Variants in YIPF4 observed in about 807,000 individuals in gnomAD.
YIPF4 encodes the protein Yip1 domain family member 4.
YIPF4 carries 18 observed loss-of-function variants against 29.4 expected under a neutral mutation model. The ratio of observed to expected loss-of-function variants is 0.61; its 90% CI spans 0.42 to 0.91. YIPF4 has a LOEUF of 0.91. Among genes scored for constraint, YIPF4 ranks in the 40% least tolerant of loss-of-function variants. YIPF4 has a pLI of 0.00. For synonymous variants in YIPF4, 115 were observed against 104.7 expected, an observed-to-expected ratio of 1.10 and a Z score of -0.60; for missense variants, 279 against 282.7, an observed-to-expected ratio of 0.99 and a Z score of 0.09.
chr2:32,286,182 A>G (rs976761974), intron 1 of YIPF4, among the ~76,000 whole-genome samples: 2 of 152,314 alleles, frequency 1.3e-5, no homozygotes, highest in African/African-American at 4.8e-5. Context: ...ATACACACAC[A>G]CAAATGAGTG....
Position 32,306,411 on chromosome 2 carries a change from T to G in YIPF4, c.*785T>G, listed in dbSNP as rs1329354262. 3 of 984,556 alleles carry G rather than the reference T, an allele frequency of 3.0e-6. No individual in the cohort carries two copies. In the African/African-American group the frequency reaches 5.2e-5, roughly 17 times the overall value. The allele number at this position is 984,556 out of a possible 1,614,324, so 61.0% of individuals were successfully genotyped here. On this transcript the variant is annotated 3_prime_UTR_variant, in exon 6 of 6. Transcript: ENST00000238831. ...GAGGTATAATGGATATGGCATTCATTAAAATCTTTACTATGTACAAAAACA... is the reference window on the plus strand; with the variant it reads ...GAGGTATAATGGATATGGCATTCATGAAAATCTTTACTATGTACAAAAACA...
Position 32,292,261 on chromosome 2 carries a change from A to G in YIPF4, c.318A>G (p.Arg106=), listed in dbSNP as rs757559817. ...CAATGCCATCACTTGGTTTTAATAG[A>G]CAAGTGGTGAGAGACAATCCTGACT... is the stretch of plus-strand genomic sequence containing the variant. ...LMPMPSLGFN[R]QVVRDNPDFW... is the part of the protein sequence containing the mutation. The change falls in exon 3 of 6, where the codon AGA becomes AGG. Residue 106 remains arginine (R), a synonymous_variant. Transcript: ENST00000238831. 26 of 1,605,830 alleles carry G rather than the reference A, an allele frequency of 1.6e-5. No individual in the cohort carries two copies. Among genetic ancestry groups the G allele is most frequent in the Admixed American group, 8.4e-5 (5 of 59,388 alleles).
chr2:32,285,589 C>A (rs1465204127), intron 1 of YIPF4, among the ~76,000 whole-genome samples: 2 of 151,954 alleles, frequency 1.3e-5, no homozygotes, highest in African/African-American at 4.8e-5. Context: ...TGAAATTCCC[C>A]CTTCCCAGAA....
In YIPF4 at chr2:32,315,994, A is replaced by C. The variant is rs2031822382; in HGVS notation, c.*10368A>C. ...CCAGGCGTTCAAGACCTGCCTGGGC[A>C]ATATAGCGAGACCCCGTTCTCCCCA... On this transcript the variant is annotated 3_prime_UTR_variant, in exon 6 of 6. Coordinates refer to ENST00000238831, the MANE Select transcript of YIPF4 (RefSeq NM_032312.4). The C allele has an allele frequency of 6.6e-6, 1 of 150,416 alleles. No individual in the cohort carries two copies. 9.3% of individuals were successfully genotyped at this position (150,416 alleles called of 1,614,324 possible).
In YIPF4 at chr2:32,312,690, A is replaced by G. The variant is rs1366237173; in HGVS notation, c.*7064A>G. ...TGCTGAGTGTAGGGATACAGTGATA[A>G]TGCAAAAAAGACCCCCAATAGGCCG... On this transcript the variant is annotated 3_prime_UTR_variant, in exon 6 of 6. Coordinates refer to ENST00000238831, the MANE Select transcript of YIPF4 (RefSeq NM_032312.4). The G allele has an allele frequency of 4.0e-5, 6 of 151,236 alleles. No individual in the cohort carries two copies. The highest frequency in any genetic ancestry group is 1.5e-4 in the African/African-American group (6 of 41,108). 9.4% of individuals were successfully genotyped at this position (151,236 alleles called of 1,614,324 possible).
chr2:32,309,763 A>C lies in YIPF4; in HGVS notation c.*4137A>C, dbSNP rs993704480. 6.3e-5 allele frequency: 9 copies of C among 141,816 alleles called. No homozygotes were observed. The highest frequency in any genetic ancestry group is 2.4e-4 in the African/African-American group (9 of 37,260). The allele number at this position is 141,816 out of a possible 1,614,324, so 8.8% of individuals were successfully genotyped here. On this transcript the variant is annotated 3_prime_UTR_variant, in exon 6 of 6. Transcript: ENST00000238831. ...GGAGTGTGTGGCGCAATCTCAGCTC[A>C]CTGCAACCTCTGATTCCTGGGTTCA...
intron 2 of YIPF4, among the ~76,000 whole-genome samples, chr2:32,291,816 G>C (rs2148961746): frequency 6.6e-6 from 1 of 152,252 alleles, no homozygotes; most frequent in East Asian, 1.9e-4. Flanking sequence ...TCTCATATGG[G>C]TTTGCAATCT....
Position 32,305,975 on chromosome 2 carries a change from A to G in YIPF4, c.*349A>G. 14 of 988,430 alleles carry G rather than the reference A, an allele frequency of 1.4e-5. No homozygotes were observed. Among genetic ancestry groups the G allele is most frequent in the Non-Finnish European group, 1.7e-5 (14 of 831,828 alleles). 61.2% of individuals were successfully genotyped at this position (988,430 alleles called of 1,614,324 possible). On this transcript the variant is annotated 3_prime_UTR_variant, in exon 6 of 6. Coordinates refer to ENST00000238831, the MANE Select transcript of YIPF4 (RefSeq NM_032312.4). ...TCACTTAAAGGGTAAATTTGACAAT[A>G]TCTTGATAATCAAAAGTGCAATTTT...
At chr2:32,291,708 C>G (rs939136290) in intron 2 of YIPF4, among the ~76,000 whole-genome samples, 1 of 152,004 alleles carries the variant, frequency 6.6e-6, no homozygotes, top group Non-Finnish European at 1.5e-5. Flanking sequence ...GAGAAATAAC[C>G]CACAACACAA....
chr2:32,283,170 A>T (rs1158577754), intron 1 of YIPF4, among the ~76,000 whole-genome samples: 5 of 151,604 alleles, frequency 3.3e-5, no homozygotes, highest in Admixed American at 2.6e-4. Flanking sequence ...TGTTCAACAT[A>T]TGTGAGTAAT....
At chr2:32,278,591 A>G (rs1438325942) in intron 1 of YIPF4, among the ~76,000 whole-genome samples, 1 of 152,132 alleles carries the variant, frequency 6.6e-6, no homozygotes. Flanking sequence ...TGGCCAAGGG[A>G]GATCTCAAAG....
chr2:32,288,059 T>G (rs1408550077), intron 1 of YIPF4, among the ~76,000 whole-genome samples: 2 of 152,302 alleles, frequency 1.3e-5, no homozygotes, highest in East Asian at 3.9e-4. Context: ...TTTTTCTTGC[T>G]CTCTGACATC....
chr2:32,290,475 C>G lies in YIPF4; in HGVS notation c.80-8C>G. 6.7e-7 allele frequency: 1 copy of G among 1,491,150 alleles called. No individual in the cohort carries two copies. Among genetic ancestry groups the G allele is most frequent in the Non-Finnish European group, 8.9e-7 (1 of 1,119,608 alleles). The allele number at this position is 1,491,150 out of a possible 1,614,324, so 92.4% of individuals were successfully genotyped here. On this transcript the variant is annotated splice_region_variant and splice_polypyrimidine_tract_variant and intron_variant, in intron 1 of 5. Coordinates refer to ENST00000238831, the MANE Select transcript of YIPF4 (RefSeq NM_032312.4). Reference sequence around the variant, plus strand: ...AGTTTATATAGTTTTATCCTCTTTTCTCCTAAGATCTCAGTGGTTCAATAG... The same window carrying G: ...AGTTTATATAGTTTTATCCTCTTTTGTCCTAAGATCTCAGTGGTTCAATAG...
chr2:32,278,319 T>C (rs753642506), intron 1 of YIPF4, 85 bp downstream of exon 1: 138 of 1,354,426 alleles, frequency 1.0e-4, no homozygotes, highest in Non-Finnish European at 1.3e-4. Flanking sequence ...GAGGTGGTCG[T>C]GGCCGGGTGG....
intron 1 of YIPF4, among the ~76,000 whole-genome samples, chr2:32,289,033 T>A (rs1032643675): frequency 1.3e-5 from 2 of 152,182 alleles, no homozygotes; most frequent in Admixed American, 1.3e-4. Flanking sequence ...CCTCTCTCAT[T>A]TCAACTTAGA....
At chr2:32,279,708 C>T (rs866360111) in intron 1 of YIPF4, among the ~76,000 whole-genome samples, 13 of 151,528 alleles carry the variant, frequency 8.6e-5, no homozygotes, top group African/African-American at 2.9e-4. Context: ...CGCGCCCGGC[C>T]GAAAGAACCT....
At chr2:32,284,738 T>A (rs2030582063) in intron 1 of YIPF4, among the ~76,000 whole-genome samples, 1 of 152,182 alleles carries the variant, frequency 6.6e-6, no homozygotes, top group African/African-American at 2.4e-5. Flanking sequence ...AACTGAAGAA[T>A]GGATGGCATT....
In YIPF4 at chr2:32,314,808, G is replaced by T. The variant is rs922299798; in HGVS notation, c.*9182G>T. The T allele has an allele frequency of 1.3e-5, 2 of 152,150 alleles. No homozygotes were observed. The highest frequency in any genetic ancestry group is 2.9e-5 in the Non-Finnish European group (2 of 68,028). The allele number at this position is 152,150 out of a possible 1,614,324, so 9.4% of individuals were successfully genotyped here. On this transcript the variant is annotated 3_prime_UTR_variant, in exon 6 of 6. Transcript: ENST00000238831. Reference sequence around the variant, plus strand: ...ATTATATTAGCTATTAAAAATTTAAGTCATTTAGGTCAATGAAACAGGAGG... The same window carrying T: ...ATTATATTAGCTATTAAAAATTTAATTCATTTAGGTCAATGAAACAGGAGG...
intron 5 of YIPF4, among the ~76,000 whole-genome samples, chr2:32,305,015 G>A (rs1224319541): frequency 6.6e-6 from 1 of 151,606 alleles, no homozygotes; most frequent in Non-Finnish European, 1.5e-5. Flanking sequence ...TTACTTAATC[G>A]ATTTTCTTAT....
Sources: gnomAD v4.1 joint callset for allele counts (sites outside exome capture counted in the v4.1 genomes callset) on GRCh38, gnomAD v4.1.1 for gene constraint, MANE v1.5 for transcripts, NCBI Gene and HGNC (gene_info 2026-07-23, HGNC 2026-07-21) for gene names.